The following ARHGEF40 variants were observed in gnomAD, a reference collection of about 807,000 sequenced individuals.
ARHGEF40 encodes Rho guanine nucleotide exchange factor 40.
ARHGEF40 carries 98 observed loss-of-function variants against 165.9 expected under a neutral mutation model. That is an observed-to-expected ratio of 0.59 (90% confidence interval 0.50 to 0.70). The LOEUF is 0.70. ARHGEF40 is among the 30% of genes least tolerant of loss of function. ARHGEF40 has a pLI of 0.00. For missense variants in ARHGEF40, 1,815 were observed against 1,968.0 expected, an observed-to-expected ratio of 0.92 and a Z score of 1.47; for synonymous variants, 792 against 814.3, an observed-to-expected ratio of 0.97 and a Z score of 0.47.
Position 21,076,857 on chromosome 14 carries a change from C to A in ARHGEF40, c.2001C>A (p.Asp667Glu), listed in dbSNP as rs746661427. The change falls in exon 8 of 24, where the codon GAC becomes GAA. Residue 667 changes from aspartate to glutamate, a missense_variant. Coordinates refer to ENST00000298694, the MANE Select transcript of ARHGEF40 (RefSeq NM_018071.5). The stretch of plus-strand genomic sequence containing the variant: ...AGTGGGAGTTAGGAGGTCACAGGGA[C>A]CCCTCTCCCAGTCACTGGGTAGAGA... ...ELQWELGGHRDPSPSHWVEIH... is the reference protein window; with the variant it reads ...ELQWELGGHREPSPSHWVEIH... 5.6e-6 allele frequency: 9 copies of A among 1,613,564 alleles called. No individual in the cohort carries two copies. The Admixed American group carries it at 1.0e-4, about 18-fold the overall frequency.
Position 21,081,883 on chromosome 14 carries a change from C to G in ARHGEF40, c.3015C>G (p.Ser1005=), listed in dbSNP as rs368797148. ...GCCCTGGGCCACGGCCAGCCCCATCCCATTGCTCCCTGGCCCCATGTGGAG... is the reference window on the plus strand; with the variant it reads ...GCCCTGGGCCACGGCCAGCCCCATCGCATTGCTCCCTGGCCCCATGTGGAG... ...PSSPGPRPAP[S]HCSLAPCGED... is the part of the protein sequence containing the mutation. The change falls in exon 14 of 24, where the codon TCC becomes TCG. Residue 1005 remains serine (S), a synonymous_variant. Coordinates refer to ENST00000298694, the MANE Select transcript of ARHGEF40 (RefSeq NM_018071.5). The G allele has an allele frequency of 1.9e-5, 30 of 1,613,214 alleles. No homozygotes were observed. The highest frequency in any genetic ancestry group is 2.3e-5 in the Non-Finnish European group (27 of 1,179,912).
chr14:21,079,895 T>C (rs1887735835), intron 11 of ARHGEF40, among the ~76,000 whole-genome samples: 1 of 152,134 alleles, frequency 6.6e-6, no homozygotes, highest in South Asian at 2.1e-4. Flanking sequence ...AGTTCTGCCA[T>C]GTGTAAGATG....
intron 17 of ARHGEF40, 108 bp downstream of exon 17, chr14:21,084,158 C>A: frequency 1.7e-6 from 2 of 1,168,932 alleles, no homozygotes; most frequent in Non-Finnish European, 2.4e-6. Flanking sequence ...GGGCTCCAGG[C>A]TCTAATTTCT....
intron 10 of ARHGEF40, 64 bp from the exon 11 acceptor site, chr14:21,078,820 C>T (rs916481456): frequency 3.2e-5 from 51 of 1,580,460 alleles, no homozygotes; most frequent in African/African-American, 3.1e-4. Flanking sequence ...CTCAGAGGCA[C>T]GGAAGGACAG....
At chr14:21,067,210 A>G (rs1371899127), upstream of ARHGEF40, among the ~76,000 whole-genome samples, 2 of 152,224 alleles carry the variant, frequency 1.3e-5, no homozygotes, top group Non-Finnish European at 2.9e-5. Flanking sequence ...CTAGTTTTCC[A>G]TAAGAACCAT....
upstream of ARHGEF40, among the ~76,000 whole-genome samples, chr14:21,066,899 T>C (rs959397675): frequency 1.3e-5 from 2 of 152,244 alleles, no homozygotes; most frequent in Non-Finnish European, 2.9e-5. Context: ...ACAGATTTTT[T>C]ACCCTAAAAT....
Position 21,082,266 on chromosome 14 carries a change from G to C in ARHGEF40, c.3274G>C (p.Glu1092Gln), listed in dbSNP as rs759492347. ...CAGTGCCCAGCAGCGGCTGGTGTCT[G>C]AGCTGATTGCCTGTGAACAAGATTA... is the stretch of plus-strand genomic sequence containing the variant. ...SISAQQRLVS[E>Q]LIACEQDYVA... The change falls in exon 15 of 24, where the codon GAG becomes CAG. Residue 1092 changes from glutamate to glutamine, a missense_variant. Glu to Gln is a conservative substitution (Grantham distance 29). Coordinates refer to ENST00000298694, the MANE Select transcript of ARHGEF40 (RefSeq NM_018071.5). 26 of 1,611,392 alleles carry C rather than the reference G, an allele frequency of 1.6e-5. No homozygotes were observed. In the East Asian group the frequency reaches 4.5e-4, roughly 28 times the overall value.
intron 11 of ARHGEF40, among the ~76,000 whole-genome samples, chr14:21,079,230 C>A (rs1295805565): frequency 6.6e-6 from 1 of 152,190 alleles, no homozygotes; most frequent in African/African-American, 2.4e-5. Flanking sequence ...CCACTGTTTA[C>A]ACTTGATCGA....
rs75670895 is a variant in ARHGEF40 at position 21,087,500 on chromosome 14, G to A, written c.4387+37G>A. On this transcript the variant is annotated intron_variant, in intron 21 of 23. Transcript: ENST00000298694. ...CTCAAGGGGTGGCTCCCAACAGCTC[G>A]GTCATGGTGGTGATGTTCAGGCTGC... The A allele has an allele frequency of 1.5e-4, 237 of 1,594,592 alleles. No individual in the cohort carries two copies. The African/African-American group carries it at 1.9e-3, about 13-fold the overall frequency.
Position 21,074,716 on chromosome 14 carries a change from C to T in ARHGEF40, c.986C>T (p.Ala329Val). ...PPGAEAVPEA[A>V]VLEVSEPPAE... ...GGAGCTGAGGCTGTCCCAGAGGCAGCAGTCTTGGAGGTGTCTGAGCCCCCA... is the reference window on the plus strand; with the variant it reads ...GGAGCTGAGGCTGTCCCAGAGGCAGTAGTCTTGGAGGTGTCTGAGCCCCCA... The change falls in exon 3 of 24, where the codon GCA becomes GTA. Residue 329 changes from alanine to valine, a missense_variant. Coordinates refer to ENST00000298694, the MANE Select transcript of ARHGEF40 (RefSeq NM_018071.5). The surrounding 1 kb of genome is among the most constrained non-coding windows in gnomAD (Gnocchi z 4.8). 1 of 1,599,494 alleles carries T rather than the reference C, an allele frequency of 6.3e-7. No homozygotes were observed.
intron 13 of ARHGEF40, 82 bp downstream of exon 13, chr14:21,081,098 G>A (rs1348614336): frequency 2.6e-6 from 4 of 1,528,254 alleles, no homozygotes; most frequent in East Asian, 2.3e-5. Context: ...TAATCAAGTT[G>A]TTAAAAGTGG....
intron 13 of ARHGEF40, 99 bp from the exon 14 acceptor site, chr14:21,081,410 G>C: frequency 6.7e-6 from 10 of 1,496,102 alleles, no homozygotes; most frequent in Non-Finnish European, 9.0e-6. Flanking sequence ...GCATTGGGAG[G>C]CCACAGGCAA....
In ARHGEF40 at chr14:21,087,309, ACT is replaced by A. The variant is rs1429086831; in HGVS notation, c.4244-6_4244-5del. 1 of 1,596,190 alleles carries A rather than the reference ACT, an allele frequency of 6.3e-7. No individual in the cohort carries two copies. Among genetic ancestry groups the A allele is most frequent in the East Asian group, 2.2e-5 (1 of 44,596 alleles). ...ACCAGCACCCCACCCCCCACTCCCC[ACT>A]CTCTGCAGCCGCCCGCACCCGGGCC... On this transcript the variant is annotated splice_polypyrimidine_tract_variant and intron_variant, in intron 20 of 23. Transcript: ENST00000298694.
At chr14:21,081,258 C>A in intron 13 of ARHGEF40, 2 of 787,258 alleles carry the variant, frequency 2.5e-6, no homozygotes, top group Admixed American at 3.0e-5. Flanking sequence ...TACATAAAAG[C>A]CCTTAGCACA....
rs969262872 is a variant in ARHGEF40 at position 21,082,710 on chromosome 14, C to T, written c.3487-121C>T. ...AGGGAGCCCTTCCCTCCCTGGTAGG[C>T]TGAGTGCTCCCTGGTGACCCATCCC... On this transcript the variant is annotated intron_variant, in intron 15 of 23. Transcript: ENST00000298694. 27 of 1,135,012 alleles carry T rather than the reference C, an allele frequency of 2.4e-5. No individual in the cohort carries two copies. In the Admixed American group the frequency reaches 2.5e-4, roughly 11 times the overall value. 70.3% of individuals were successfully genotyped at this position (1,135,012 alleles called of 1,614,324 possible).
intron 10 of ARHGEF40, 137 bp downstream of exon 10, chr14:21,078,625 G>A: frequency 1.0e-6 from 1 of 960,986 alleles, no homozygotes; most frequent in South Asian, 1.7e-5. Context: ...TACACTTACT[G>A]TCTCATAACC....
At chr14:21,083,559 GAAGAA>G (rs1055185248) in intron 16 of ARHGEF40, among the ~76,000 whole-genome samples, 3 of 152,114 alleles carry the variant, frequency 2.0e-5, no homozygotes, top group African/African-American at 4.8e-5. Flanking sequence ...CAGGGGAAAA[GAAGAA>G]AAGAAAAGAA....
In ARHGEF40 at chr14:21,080,696, C is replaced by T; in HGVS notation, c.2410C>T (p.Leu804=). 1 of 1,612,026 alleles carries T rather than the reference C, an allele frequency of 6.2e-7. No homozygotes were observed. Among genetic ancestry groups the T allele is most frequent in the Non-Finnish European group, 8.5e-7 (1 of 1,179,352 alleles). The change falls in exon 12 of 24, where the codon CTG becomes TTG. Residue 804 remains leucine (L), a synonymous_variant. Coordinates refer to ENST00000298694, the MANE Select transcript of ARHGEF40 (RefSeq NM_018071.5). ...GCTCTCGGGCCCAGGGGAGGAGCAGCTGGCAAGCTTTGCTATGCCTGGGGA... is the reference window on the plus strand; with the variant it reads ...GCTCTCGGGCCCAGGGGAGGAGCAGTTGGCAAGCTTTGCTATGCCTGGGGA... ...QWLSGPGEEQ[L]ASFAMPGDTL...
chr14:21,087,392 C>T lies in ARHGEF40; in HGVS notation c.4316C>T (p.Pro1439Leu), dbSNP rs774167354. 1.4e-5 allele frequency: 23 copies of T among 1,603,030 alleles called. No individual in the cohort carries two copies. The highest frequency in any genetic ancestry group is 1.1e-4 in the East Asian group (5 of 44,882). Residue 1439 changes from proline (P) to leucine (L), a missense_variant, in exon 21 of 24, where the codon CCG becomes CTG. Physicochemically the swap from Pro to Leu is moderately conservative, Grantham distance 98. Coordinates refer to ENST00000298694, the MANE Select transcript of ARHGEF40 (RefSeq NM_018071.5). ...HAGPSLPGLS[P>L]GACSLPARVE... is the part of the protein sequence containing the mutation. ...GGCCCCTCCCTTCCCGGCCTTTCGC[C>T]GGGAGCCTGCTCCCTGCCTGCCCGC...
Sources: gnomAD v4.1 joint callset for allele counts (sites outside exome capture counted in the v4.1 genomes callset) on GRCh38, gnomAD v4.1.1 for gene constraint, Gnocchi (gnomAD v3.1) non-coding constraint, MANE v1.5 for transcripts, NCBI Gene and HGNC (gene_info 2026-07-23, HGNC 2026-07-21) for gene names.